PHKA2: variants seen among roughly 807,000 people sequenced by gnomAD.
PHKA2 encodes phosphorylase kinase regulatory subunit alpha 2.
PHKA2 carries 31 observed loss-of-function variants against 102.0 expected under a neutral mutation model. That is an observed-to-expected ratio of 0.30 (90% CI 0.23 to 0.41). PHKA2 has a LOEUF of 0.41. Among genes scored for constraint, PHKA2 ranks in the 10% least tolerant of loss-of-function variants. The pLI is 1.00. For synonymous variants in PHKA2, 455 were observed against 416.2 expected, an observed-to-expected ratio of 1.09 and a Z score of -1.13; for missense variants, 858 against 1,023.1, an observed-to-expected ratio of 0.84 and a Z score of 2.20.
chrX:18,924,236 C>G (rs1191728250), intron 16 of PHKA2, 102 bp from the exon 17 acceptor site: 1 of 916,637 alleles, frequency 1.1e-6, no homozygotes, highest in Admixed American at 2.2e-5. Context: ...ATATTTCTGG[C>G]ATAGAAGATT....
chrX:18,924,021 C>T, intron 17 of PHKA2, 35 bp downstream of exon 17: 1 of 953,938 alleles, frequency 1.0e-6, no homozygotes, highest in Non-Finnish European at 1.5e-6. Context: ...AAGGTCAGTG[C>T]TACTCTTATA....
At position 18,941,688 on chromosome X, in the gene PHKA2, CA is replaced by C; in HGVS notation, c.718-14del. On this transcript the variant is annotated splice_polypyrimidine_tract_variant and intron_variant, in intron 7 of 32. Coordinates refer to ENST00000379942, the MANE Select transcript of PHKA2 (RefSeq NM_000292.3). Reference sequence around the variant, plus strand: ...AGAACAGAATAGACTGAATGAAAAACAAAGAGGTGGTTTAACCTGGAGATGC... The same window carrying C: ...AGAACAGAATAGACTGAATGAAAAACAAGAGGTGGTTTAACCTGGAGATGC... The C allele has an allele frequency of 8.7e-7, 1 of 1,144,631 alleles. No homozygotes were observed. Among genetic ancestry groups the C allele is most frequent in the Non-Finnish European group, 1.2e-6 (1 of 833,766 alleles). The allele number at this position is 1,144,631 out of a possible 1,213,427, so 94.3% of individuals were successfully genotyped here.
intron 19 of PHKA2, chrX:18,915,540 CTTTT>C (rs1205116694): frequency 7.7e-5 from 7 of 90,424 alleles, no homozygotes; most frequent in Non-Finnish European, 1.3e-4. Context: ...CCTGGCTAAT[CTTTT>C]TTTTTTTTTT....
chrX:18,980,394 T>C (rs2049154378), intron 1 of PHKA2, among the ~76,000 whole-genome samples: 1 of 112,779 alleles, frequency 8.9e-6, no homozygotes, highest in African/African-American at 3.2e-5. Flanking sequence ...AACCCGATTG[T>C]ACATTTGTTC....
intron 1 of PHKA2, among the ~76,000 whole-genome samples, chrX:18,981,149 A>G (rs1247720274): frequency 9.0e-6 from 1 of 111,223 alleles, no homozygotes; most frequent in Non-Finnish European, 1.9e-5. Context: ...CCTGCCTAAG[A>G]TTACTCAGAG....
At position 18,978,959 on chromosome X, in the gene PHKA2, A is replaced by C. The variant is rs141266850; in HGVS notation, c.78+4896T>G. ...GTTCAAGACCAGCCTGGCATGGTGAAACCCCACCTCTACTTAAAATACAAA... is the reference window on the plus strand; with the variant it reads ...GTTCAAGACCAGCCTGGCATGGTGACACCCCACCTCTACTTAAAATACAAA... On this transcript the variant is annotated intron_variant, in intron 1 of 32. Transcript: ENST00000379942. Among the ~76,000 whole-genome samples, 239 of 109,741 alleles carry C rather than the reference A, an allele frequency of 2.2e-3. 1 individual carries two copies. Among genetic ancestry groups the C allele is most frequent in the African/African-American group, 7.3e-3 (219 of 30,138 alleles).
intron 19 of PHKA2, among the ~76,000 whole-genome samples, chrX:18,913,114 G>T (rs918944931): frequency 9.2e-5 from 10 of 109,193 alleles, no homozygotes; most frequent in Non-Finnish European, 1.9e-4. Flanking sequence ...TATATAAGAT[G>T]AAAAATGGTT....
intron 17 of PHKA2, among the ~76,000 whole-genome samples, chrX:18,921,678 C>T (rs1376015435): frequency 9.0e-6 from 1 of 111,555 alleles, no homozygotes; most frequent in African/African-American, 3.3e-5. Flanking sequence ...AATCATCTGC[C>T]ATGGTCTATA....
At chrX:18,929,178 TA>T in intron 13 of PHKA2, 49 bp downstream of exon 13, 1 of 849,900 alleles carries the variant, frequency 1.2e-6, no homozygotes, top group Non-Finnish European at 1.7e-6. Flanking sequence ...TGAATTAAAA[TA>T]ACATTGGTTT....
At chrX:18,950,300 G>A (rs1214704843) in intron 4 of PHKA2, among the ~76,000 whole-genome samples, 1 of 112,172 alleles carries the variant, frequency 8.9e-6, no homozygotes, top group African/African-American at 3.2e-5. Flanking sequence ...GGGTGACCAG[G>A]GTAGTGAGTG....
chrX:18,901,987 C>T (rs771774676), intron 26 of PHKA2, among the ~76,000 whole-genome samples: 5 of 109,777 alleles, frequency 4.6e-5, no homozygotes, highest in East Asian at 2.9e-4. Flanking sequence ...GGATTACATG[C>T]GCCCGCCATC....
chrX:18,904,695 T>C (rs894157865), intron 26 of PHKA2, among the ~76,000 whole-genome samples: 4 of 112,147 alleles, frequency 3.6e-5, no homozygotes, highest in African/African-American at 1.3e-4. Context: ...CACATCTGAC[T>C]GCACGATGCT....
At chrX:18,928,568 G>C (rs1238951493) in intron 13 of PHKA2, among the ~76,000 whole-genome samples, 1 of 112,415 alleles carries the variant, frequency 8.9e-6, no homozygotes, top group African/African-American at 3.2e-5. Flanking sequence ...AATGTTACTG[G>C]ACTGCCAGGA....
At position 18,951,277 on chromosome X, in the gene PHKA2, GGGAGAA is replaced by G; in HGVS notation, c.286-11_286-6del. ...GAACTTCTCCACTTTGGCCACCTGAGGGAGAAGGCAAGCCCGCTCTGCATAGTTATG... is the reference window on the plus strand; with the variant it reads ...GAACTTCTCCACTTTGGCCACCTGAGGGCAAGCCCGCTCTGCATAGTTATG... On this transcript the variant is annotated splice_region_variant and splice_polypyrimidine_tract_variant and intron_variant, in intron 3 of 32. Coordinates refer to ENST00000379942, the MANE Select transcript of PHKA2 (RefSeq NM_000292.3). 1 of 1,210,316 alleles carries G rather than the reference GGGAGAA, an allele frequency of 8.3e-7. No individual in the cohort carries two copies. The highest frequency in any genetic ancestry group is 1.1e-6 in the Non-Finnish European group (1 of 893,986).
chrX:18,973,795 C>T (rs1215410351), intron 1 of PHKA2, among the ~76,000 whole-genome samples: 1 of 112,407 alleles, frequency 8.9e-6, no homozygotes, highest in Non-Finnish European at 1.9e-5. Context: ...TGCAGCTAAA[C>T]GTGGCTAGAG....
At chrX:18,942,514 G>A (rs2048509220) in intron 7 of PHKA2, among the ~76,000 whole-genome samples, 1 of 111,233 alleles carries the variant, frequency 9.0e-6, no homozygotes, top group African/African-American at 3.3e-5. Context: ...TGGCTGCAAA[G>A]CTCACGCATT....
intron 11 of PHKA2, among the ~76,000 whole-genome samples, chrX:18,934,507 T>C (rs1428571339): frequency 8.9e-6 from 1 of 111,801 alleles, no homozygotes; most frequent in African/African-American, 3.2e-5. Context: ...AGGGGCCCAG[T>C]GAACAAGATG....
intron 8 of PHKA2, among the ~76,000 whole-genome samples, chrX:18,941,285 T>C (rs755324193): frequency 8.9e-6 from 1 of 111,808 alleles, no homozygotes; most frequent in South Asian, 3.8e-4. Context: ...CTTAGAAGTA[T>C]GGTACTGGTA....
intron 18 of PHKA2, 76 bp from the exon 19 acceptor site, chrX:18,918,930 G>A (rs749189209): frequency 1.7e-5 from 15 of 898,544 alleles, no homozygotes; most frequent in Non-Finnish European, 2.5e-5. Context: ...GTGACCATGG[G>A]TAGCAAGCAG....
Sources: allele counts gnomAD v4.1 joint callset (sites outside exome capture counted in the v4.1 genomes callset), GRCh38; gene constraint gnomAD v4.1.1; transcripts MANE v1.5; gene names NCBI Gene and HGNC (gene_info 2026-07-23, HGNC 2026-07-21).